ATXN7: variants seen among roughly 807,000 people sequenced by gnomAD.
ATXN7 encodes the protein ataxin 7, also known as ataxin-7.
In ATXN7, 12 loss-of-function variants were observed where a neutral mutation model predicts 70.5. The observed-to-expected ratio is 0.17, with a 90% CI of 0.11 to 0.28. ATXN7 has a LOEUF of 0.28. Ranked by LOEUF, ATXN7 falls within the 10% of genes least tolerant of loss-of-function variation. The pLI is 1.00. For missense variants in ATXN7, 1,256 were observed against 1,131.7 expected (o/e 1.11, Z -1.58); for synonymous variants, 498 against 448.7 (o/e 1.11, Z -1.39).
chr3:63,955,457 G>A (rs1214090624), intron 5 of ATXN7, among the ~76,000 whole-genome samples: 1 of 152,140 alleles, frequency 6.6e-6, no homozygotes, highest in African/African-American at 2.4e-5. Flanking sequence ...CCATGTGGTG[G>A]CCCTGGAGTG....
At chr3:63,954,234 T>C (rs1019934183) in intron 5 of ATXN7, among the ~76,000 whole-genome samples, 1 of 151,814 alleles carries the variant, frequency 6.6e-6, no homozygotes, top group Non-Finnish European at 1.5e-5. Flanking sequence ...AGATGGGAGG[T>C]GTTTTACTGG....
chr3:63,951,341 C>T (rs910930604), intron 4 of ATXN7, among the ~76,000 whole-genome samples: 4 of 151,912 alleles, frequency 2.6e-5, no homozygotes, highest in African/African-American at 9.7e-5. Context: ...CCAGGATCTC[C>T]CCGGCTGGAG....
intron 4 of ATXN7, among the ~76,000 whole-genome samples, chr3:63,918,189 AAAC>A (rs1704360459): frequency 1.3e-5 from 2 of 152,222 alleles, no homozygotes; most frequent in African/African-American, 4.8e-5. Flanking sequence ...ACAAACAAAC[AAAC>A]AAACAAACAA....
chr3:63,913,333 G>A (rs1270396040), intron 4 of ATXN7, 108 bp downstream of exon 4: 2 of 1,189,548 alleles, frequency 1.7e-6, no homozygotes, highest in Admixed American at 2.3e-5. Context: ...CCGACTCCCC[G>A]TGCCTGCGAA....
intron 2 of ATXN7, chr3:63,903,934 A>C (rs1008985391): frequency 6.6e-6 from 1 of 152,190 alleles, no homozygotes; most frequent in African/African-American, 2.4e-5. Context: ...CTTTATTGAG[A>C]TGTAATTCAA....
At chr3:63,903,746 C>T (rs1405713539) in intron 2 of ATXN7, 1 of 152,176 alleles carries the variant, frequency 6.6e-6, no homozygotes, top group African/African-American at 2.4e-5. Flanking sequence ...ATCCTGCCAA[C>T]GTCCAGAGTT....
intron 6 of ATXN7, among the ~76,000 whole-genome samples, chr3:63,981,462 A>G (rs2075486285): frequency 1.3e-5 from 2 of 152,246 alleles, no homozygotes; most frequent in Non-Finnish European, 2.9e-5. Context: ...GCCTTTAGAT[A>G]GGAACCAGGC....
In ATXN7 at chr3:63,982,580, T is replaced by C. The variant is rs571896956; in HGVS notation, c.1012+135T>C. On this transcript the variant is annotated intron_variant, in intron 7 of 12. Transcript: ENST00000674280. ...TCAGCTTTAGGAGGAAGTTCCTTAG[T>C]TAATATGTTTGTTCTTTTCACTCTT... The C allele has an allele frequency of 1.9e-5, 15 of 810,462 alleles. No homozygotes were observed. The East Asian group carries it at 4.0e-4, about 22-fold the overall frequency. 50.2% of individuals were successfully genotyped at this position (810,462 alleles called of 1,614,324 possible). A position where few individuals can be genotyped will look rare whatever the true frequency, so the allele number is the denominator to read the frequency against.
Position 63,988,256 on chromosome 3 carries a change from A to G in ATXN7, c.1293A>G (p.Gly431=), listed in dbSNP as rs759053332. The G allele has an allele frequency of 3.1e-6, 5 of 1,614,092 alleles. No homozygotes were observed. Among genetic ancestry groups the G allele is most frequent in the South Asian group, 1.1e-5 (1 of 91,076 alleles). ...TSQEPHQNPH[G]VIPSESKPFV... Reference sequence around the variant, plus strand: ...AGGAGCCGCACCAAAACCCTCACGGAGTGATTCCTTCCGAATCAAAGCCTT... The same window carrying G: ...AGGAGCCGCACCAAAACCCTCACGGGGTGATTCCTTCCGAATCAAAGCCTT... Residue 431 remains glycine (G), a synonymous_variant, in exon 9 of 13, where the codon GGA becomes GGG. Transcript: ENST00000674280.
In ATXN7 at chr3:63,912,550, C is replaced by G. The variant is rs745647019; in HGVS notation, c.-11-38C>G. The G allele has an allele frequency of 1.5e-5, 16 of 1,102,800 alleles. No individual in the cohort carries two copies. In the East Asian group the frequency reaches 1.2e-3, roughly 86 times the overall value. The allele number at this position is 1,102,800 out of a possible 1,614,324, so 68.3% of individuals were successfully genotyped here. A position where few individuals can be genotyped will look rare whatever the true frequency, so the allele number is the denominator to read the frequency against. On this transcript the variant is annotated intron_variant, in intron 2 of 12. Transcript: ENST00000674280. ...TGGCGCCTCCTTAAAAAACGGCCCC[C>G]GCGCGACTCTTTCCCCCTTTTTTTT...
At chr3:63,892,877 A>C (rs1326704130) in intron 1 of ATXN7, among the ~76,000 whole-genome samples, 4 of 152,162 alleles carry the variant, frequency 2.6e-5, no homozygotes, top group Non-Finnish European at 5.9e-5. Flanking sequence ...TGACCTGATG[A>C]GGTTTCATCT....
chr3:63,919,388 C>G (rs1039041130), intron 4 of ATXN7, among the ~76,000 whole-genome samples: 6 of 152,140 alleles, frequency 3.9e-5, no homozygotes, highest in African/African-American at 1.4e-4. Flanking sequence ...TAAAAGGAAA[C>G]CCAATCTGCA....
chr3:63,988,462 TG>T lies in ATXN7; in HGVS notation c.1361+139del, dbSNP rs946999187. 1.7e-5 allele frequency: 20 copies of T among 1,204,708 alleles called. No homozygotes were observed. In the African/African-American group the frequency reaches 3.0e-4, roughly 18 times the overall value. 74.6% of individuals were successfully genotyped at this position (1,204,708 alleles called of 1,614,324 possible). A position where few individuals can be genotyped will look rare whatever the true frequency, so the allele number is the denominator to read the frequency against. On this transcript the variant is annotated intron_variant, in intron 9 of 12. Transcript: ENST00000674280. ...GATAGTTTTTTAAGGAGTTTTACTA[TG>T]AAAAAAAAAAAGGAAAGGTTGAGTT...
intron 4 of ATXN7, among the ~76,000 whole-genome samples, chr3:63,937,589 A>G (rs2074685640): frequency 6.6e-6 from 1 of 152,206 alleles, no homozygotes; most frequent in African/African-American, 2.4e-5. Flanking sequence ...AGTATTTGTA[A>G]TGTAAGACGC....
Position 64,002,977 on chromosome 3 carries a change from TA to T in ATXN7, c.*3512del, listed in dbSNP as rs1559667983. On this transcript the variant is annotated 3_prime_UTR_variant, in exon 13 of 13. Coordinates refer to ENST00000674280, the MANE Select transcript of ATXN7 (RefSeq NM_001377405.1). ...TGTATAATTTGAAAAATGTAACTTATAAGGGCAGCTGTCTTCCTGCAAGAGT... is the reference window on the plus strand; with the variant it reads ...TGTATAATTTGAAAAATGTAACTTATAGGGCAGCTGTCTTCCTGCAAGAGT... 6.6e-6 allele frequency: 1 copy of T among 152,164 alleles called. No individual in the cohort carries two copies. Among genetic ancestry groups the T allele is most frequent in the Non-Finnish European group, 1.5e-5 (1 of 68,022 alleles). The allele number at this position is 152,164 out of a possible 1,614,324, so 9.4% of individuals were successfully genotyped here. A position where few individuals can be genotyped will look rare whatever the true frequency, so the allele number is the denominator to read the frequency against.
intron 5 of ATXN7, among the ~76,000 whole-genome samples, chr3:63,970,825 A>G (rs2075299814): frequency 6.6e-6 from 1 of 152,080 alleles, no homozygotes; most frequent in Admixed American, 6.5e-5. Context: ...GTGAATGGGT[A>G]TGCTGCAGTG....
At chr3:63,976,201 T>A (rs1394237850) in intron 5 of ATXN7, among the ~76,000 whole-genome samples, 1 of 152,174 alleles carries the variant, frequency 6.6e-6, no homozygotes, top group African/African-American at 2.4e-5. Flanking sequence ...AGATGCCCAG[T>A]TTAAAATCCT....
At chr3:63,864,521 G>A (rs1019436874) in intron 1 of ATXN7, 1 of 152,172 alleles carries the variant, frequency 6.6e-6, no homozygotes, top group Non-Finnish European at 1.5e-5. Flanking sequence ...CGGCCCCTGC[G>A]GCCGCCCCCT....
intron 5 of ATXN7, among the ~76,000 whole-genome samples, chr3:63,960,937 C>T (rs1265611852): frequency 2.0e-5 from 3 of 151,550 alleles, no homozygotes; most frequent in South Asian, 4.1e-4. Context: ...TGTGCACTTT[C>T]CTGGGACTTC....
Sources: gnomAD v4.1 joint callset for allele counts (sites outside exome capture counted in the v4.1 genomes callset) on GRCh38, gnomAD v4.1.1 for gene constraint, MANE v1.5 for transcripts, NCBI Gene and HGNC (gene_info 2026-07-23, HGNC 2026-07-21) for gene names.